Variants in FUS observed in about 807,000 individuals in gnomAD.
The protein encoded by FUS is FUS RNA binding protein.
A neutral mutation model predicts 82.7 loss-of-function variants in FUS; 5 were observed. The observed-to-expected ratio is 0.06, with a 90% confidence interval of 0.03 to 0.13. The LOEUF (loss-of-function observed/expected upper bound fraction) is 0.13. Among genes scored for constraint, FUS ranks in the 10% least tolerant of loss-of-function variants. The pLI is 1.00. For synonymous variants in FUS, 281 were observed against 247.4 expected (o/e 1.14, Z -1.27); for missense variants, 512 against 707.8 (o/e 0.72, Z 3.14).
chr16:31,193,969 T>C, downstream of FUS: 1 of 532,426 alleles, frequency 1.9e-6, no homozygotes, highest in South Asian at 1.5e-5. Flanking sequence ...TCTTACTGAA[T>C]GATTGAAATC....
At chr16:31,181,242 CGGA>C (rs1193587931) in intron 1 of FUS, among the ~76,000 whole-genome samples, 3 of 152,308 alleles carry the variant, frequency 2.0e-5, no homozygotes, top group African/African-American at 7.2e-5. Flanking sequence ...GAGATAGGGA[CGGA>C]GAAGAACGGC....
chr16:31,180,144 G>A lies in FUS; in HGVS notation c.-71G>A, dbSNP rs574645154. 8.8e-6 allele frequency: 14 copies of A among 1,583,918 alleles called. No homozygotes were observed. Among genetic ancestry groups the A allele is most frequent in the South Asian group, 2.3e-5 (2 of 87,572 alleles). On this transcript the variant is annotated 5_prime_UTR_variant, in exon 1 of 15. Transcript: ENST00000254108. ...TCGACGCAGGAGGCGGGGCTGCTCA[G>A]TCCTCCAGGCGTCGGTACTCAGCGG...
chr16:31,183,562 G>C, intron 3 of FUS: 1 of 437,566 alleles, frequency 2.3e-6, no homozygotes, highest in Non-Finnish European at 4.2e-6. Context: ...ACGCACAGCT[G>C]CATATTACAG....
Position 31,182,528 on chromosome 16 carries a change from C to G in FUS, c.54C>G (p.Pro18=). 5 of 1,614,150 alleles carry G rather than the reference C, an allele frequency of 3.1e-6. No individual in the cohort carries two copies. Among genetic ancestry groups the G allele is most frequent in the East Asian group, 2.2e-5 (1 of 44,874 alleles). Residue 18 remains proline, a synonymous_variant, in exon 3 of 15, where the codon CCC becomes CCG. Coordinates refer to ENST00000254108, the MANE Select transcript of FUS (RefSeq NM_004960.4). ...TTTTATTTAGCTATGGGGCCTACCC[C>G]ACCCAGCCCGGGCAGGGCTATTCCC... ...QQATQSYGAY[P]TQPGQGYSQQ...
rs766783910 is a variant in FUS, at chr16:31,184,217, G to A, written c.344G>A (p.Ser115Asn). ...APSSTSGSYG[S>N]SSQSSSYGQP... Reference sequence around the variant, plus strand: ...TTGTTTGTTTTCCCTAGTTACGGTAGCAGTTCTCAGAGCAGCAGCTATGGG... The same window carrying A: ...TTGTTTGTTTTCCCTAGTTACGGTAACAGTTCTCAGAGCAGCAGCTATGGG... The change falls in exon 5 of 15, where the codon AGC becomes AAC. Residue 115 changes from serine (S) to asparagine (N), a missense_variant. Around this residue, in one of 6 missense-constraint regions of FUS, gnomAD observed 276 missense variants for 303.3 expected, o/e 0.91. Transcript: ENST00000254108. 6.2e-7 allele frequency: 1 copy of A among 1,614,154 alleles called. No individual in the cohort carries two copies. The highest frequency in any genetic ancestry group is 1.1e-5 in the South Asian group (1 of 91,088).
At chr16:31,192,525 G>A, downstream of FUS, 1 of 513,058 alleles carries the variant, frequency 1.9e-6, no homozygotes, top group Middle Eastern at 5.5e-4. Flanking sequence ...CAAATGTGCT[G>A]GGGACCCCTA....
At chr16:31,183,639 G>C in intron 3 of FUS, 1 of 570,424 alleles carries the variant, frequency 1.8e-6, no homozygotes, top group Non-Finnish European at 3.2e-6. Flanking sequence ...TGGGATTGGC[G>C]GGGTGAAATT....
chr16:31,190,943 T>G lies in FUS; in HGVS notation c.1394-20T>G. Reference sequence around the variant, plus strand: ...CATAGGGGAATGGGAATATGATAGATCTTGTTTCTTTTGTCCTAGGGGGTA... The same window carrying G: ...CATAGGGGAATGGGAATATGATAGAGCTTGTTTCTTTTGTCCTAGGGGGTA... On this transcript the variant is annotated intron_variant, in intron 13 of 14. Coordinates refer to ENST00000254108, the MANE Select transcript of FUS (RefSeq NM_004960.4). 1.9e-6 allele frequency: 3 copies of G among 1,610,758 alleles called. No homozygotes were observed. The highest frequency in any genetic ancestry group is 2.5e-6 in the Non-Finnish European group (3 of 1,177,602).
intron 7 of FUS, chr16:31,187,290 GGT>G (rs1387665230): frequency 1.1e-5 from 3 of 282,044 alleles, no homozygotes; most frequent in Non-Finnish European, 2.1e-5. Context: ...CCCTGAGGAT[GGT>G]GAAGTTGGTA....
chr16:31,191,303 C>G (rs938234315), intron 14 of FUS, 96 bp from the exon 15 acceptor site: 2 of 1,532,734 alleles, frequency 1.3e-6, no homozygotes, highest in Non-Finnish European at 1.8e-6. Flanking sequence ...AAGATACTCG[C>G]TGGGTTAGGT....
At chr16:31,182,876 C>T (rs1206153003) in intron 3 of FUS, 3 of 576,514 alleles carry the variant, frequency 5.2e-6, no homozygotes, top group South Asian at 3.7e-5. Context: ...GCTACCACGC[C>T]TGGCTAATTT....
In FUS at chr16:31,184,208, G is replaced by A; in HGVS notation, c.336-1G>A. ...TTGTGTTTTTTGTTTGTTTTCCCTA[G>A]TTACGGTAGCAGTTCTCAGAGCAGC... On this transcript the variant is annotated splice_acceptor_variant, in intron 4 of 14. Coordinates refer to ENST00000254108, the MANE Select transcript of FUS (RefSeq NM_004960.4). LOFTEE classifies it high-confidence loss of function. The A allele has an allele frequency of 6.2e-7, 1 of 1,614,164 alleles. No individual in the cohort carries two copies.
intron 1 of FUS, 22 bp from the exon 2 acceptor site, chr16:31,182,376 T>G (rs1021748841): frequency 6.2e-7 from 1 of 1,613,524 alleles, no homozygotes; most frequent in African/African-American, 1.3e-5. Flanking sequence ...GAAGATAATG[T>G]GATTGTATTT....
rs151302704 is a variant in FUS at position 31,181,985 on chromosome 16, T to A, written c.14-413T>A. 3.4e-3 allele frequency among the ~76,000 whole-genome samples: 511 copies of A among 152,262 alleles called. 5 individuals are homozygous for A. The highest frequency in any genetic ancestry group is 0.011 in the African/African-American group (452 of 41,542). On this transcript the variant is annotated intron_variant, in intron 1 of 14. Transcript: ENST00000254108. ...GTCTCATGGAGGAATTTTATGCCCT[T>A]TGTTGCAACATGGTCCTATTTTTAT... is the stretch of plus-strand genomic sequence containing the variant.
Position 31,190,985 on chromosome 16 carries a change from T to G in FUS, c.1416T>G (p.Arg472=). The change falls in exon 14 of 15, where the codon CGT becomes CGG. Residue 472 remains arginine, a synonymous_variant. Coordinates refer to ENST00000254108, the MANE Select transcript of FUS (RefSeq NM_004960.4). The stretch of plus-strand genomic sequence containing the variant: ...TAGGGGGTAACTACGGGGATGATCG[T>G]CGTGGTGGCAGAGGAGGCTATGATC... ...SHMGGNYGDD[R]RGGRGGYDRG... 2 of 1,613,258 alleles carry G rather than the reference T, an allele frequency of 1.2e-6. No individual in the cohort carries two copies. Among genetic ancestry groups the G allele is most frequent in the Non-Finnish European group, 1.7e-6 (2 of 1,179,596 alleles).
intron 12 of FUS, 100 bp downstream of exon 12, chr16:31,190,498 A>G (rs535925043): frequency 9.6e-6 from 15 of 1,559,504 alleles, no homozygotes; most frequent in Middle Eastern, 3.8e-4. Flanking sequence ...GTAAATGTCA[A>G]GGCCACACTG....
At chr16:31,180,253 G>T in intron 1 of FUS, 26 bp downstream of exon 1, 1 of 1,604,606 alleles carries the variant, frequency 6.2e-7, no homozygotes, top group African/African-American at 1.3e-5. Flanking sequence ...AGGCGACGGC[G>T]GCGGCGCACC....
downstream of FUS, chr16:31,193,056 G>A (rs1415368291): frequency 2.1e-6 from 1 of 484,482 alleles, no homozygotes; most frequent in African/African-American, 2.0e-5. Context: ...GCCGCCTCCT[G>A]GGTTCAAGCG....
chr16:31,194,007 TTG>T, downstream of FUS: 1 of 533,064 alleles, frequency 1.9e-6, no homozygotes, highest in Non-Finnish European at 3.6e-6. Flanking sequence ...TGTCCCATTT[TTG>T]TGAGTTGGAA....
Sources: allele counts gnomAD v4.1 joint callset (sites outside exome capture counted in the v4.1 genomes callset), GRCh38; gene constraint gnomAD v4.1.1; regional missense constraint gnomAD v4.1.1; transcripts MANE v1.5; gene names NCBI Gene and HGNC (gene_info 2026-07-23, HGNC 2026-07-21).